The following MAN1A2 variants were observed in gnomAD, a reference collection of about 807,000 sequenced individuals.
The protein encoded by MAN1A2 is mannosidase alpha class 1A member 2.
In MAN1A2, 26 loss-of-function variants were observed where a neutral mutation model predicts 75.7. The ratio of observed to expected loss-of-function variants is 0.34; its 90% CI spans 0.25 to 0.48. The LOEUF (loss-of-function observed/expected upper bound fraction) is 0.48. Ranked by LOEUF, MAN1A2 falls within the 20% of genes least tolerant of loss-of-function variation. The pLI, the probability that MAN1A2 is intolerant of heterozygous loss-of-function variation, is 0.99. For synonymous variants in MAN1A2, 247 were observed against 264.6 expected (o/e 0.93, Z 0.65); for missense variants, 562 against 775.5 (o/e 0.72, Z 3.27).
intron 5 of MAN1A2, among the ~76,000 whole-genome samples, chr1:117,436,656 T>C (rs974003560): frequency 2.6e-5 from 4 of 152,218 alleles, no homozygotes; most frequent in African/African-American, 9.6e-5. Flanking sequence ...ACAGGCTTAC[T>C]TTCGCTTACT....
intron 1 of MAN1A2, among the ~76,000 whole-genome samples, chr1:117,382,660 T>C (rs1192413295): frequency 5.3e-5 from 8 of 152,200 alleles, no homozygotes; most frequent in African/African-American, 1.4e-4. Context: ...GACTTGGCGA[T>C]GCGGGCTCTT....
chr1:117,426,088 G>T (rs1648362142), intron 5 of MAN1A2, among the ~76,000 whole-genome samples: 1 of 151,846 alleles, frequency 6.6e-6, no homozygotes, highest in Non-Finnish European at 1.5e-5. Context: ...TTTTCTTTGG[G>T]TATAAAATAT....
chr1:117,469,767 A>G (rs1242118720), intron 8 of MAN1A2, among the ~76,000 whole-genome samples: 1 of 152,114 alleles, frequency 6.6e-6, no homozygotes, highest in African/African-American at 2.4e-5. Context: ...AAATAAACTC[A>G]CTGAGATACC....
intron 6 of MAN1A2, among the ~76,000 whole-genome samples, chr1:117,448,243 A>C (rs1273015676): frequency 6.6e-6 from 1 of 152,126 alleles, no homozygotes; most frequent in East Asian, 1.9e-4. Context: ...TTTAAAAGAA[A>C]ACTGAACATG....
At chr1:117,503,199 T>G (rs1482778550) in intron 12 of MAN1A2, among the ~76,000 whole-genome samples, 3 of 151,624 alleles carry the variant, frequency 2.0e-5, no homozygotes, top group African/African-American at 7.3e-5. Context: ...TTTTTGTTCT[T>G]TGCTCTTTAA....
intron 6 of MAN1A2, among the ~76,000 whole-genome samples, chr1:117,455,856 T>A (rs1025677443): frequency 2.0e-5 from 3 of 151,910 alleles, no homozygotes; most frequent in African/African-American, 7.2e-5. Context: ...ATATTACATA[T>A]CCTCTCAAAT....
rs1652006092 is a variant in MAN1A2 at position 117,526,016 on chromosome 1, T to C, written c.*3059T>C. ...TGTCATATAGAGCAACTCAGGGCTA[T>C]ACTTGCTAGATTTTAACCAAGCAGT... On this transcript the variant is annotated 3_prime_UTR_variant, in exon 13 of 13. Transcript: ENST00000356554. 1 of 151,834 alleles carries C rather than the reference T, an allele frequency of 6.6e-6. No individual in the cohort carries two copies. Among genetic ancestry groups the C allele is most frequent in the African/African-American group, 2.4e-5 (1 of 41,416 alleles). 9.4% of individuals were successfully genotyped at this position (151,834 alleles called of 1,614,324 possible). A position where few individuals can be genotyped will look rare whatever the true frequency, so the allele number is the denominator to read the frequency against.
At position 117,466,384 on chromosome 1, in the gene MAN1A2, T is replaced by C; in HGVS notation, c.1125T>C (p.Leu375=). ...LLQKMDRPNG[L]YPNYLNPRTG... ...AGAAAATGGATCGTCCAAATGGTCT[T>C]TATCCAAATTATTTGAACCCCAGAA... is the stretch of plus-strand genomic sequence containing the variant. Residue 375 remains leucine, a synonymous_variant, in exon 8 of 13, where the codon CTT becomes CTC. Coordinates refer to ENST00000356554, the MANE Select transcript of MAN1A2 (RefSeq NM_006699.5). The C allele has an allele frequency of 6.2e-7, 1 of 1,612,254 alleles. No homozygotes were observed.
At chr1:117,447,754 A>G (rs1375498888) in intron 6 of MAN1A2, among the ~76,000 whole-genome samples, 2 of 152,138 alleles carry the variant, frequency 1.3e-5, no homozygotes, top group Non-Finnish European at 2.9e-5. Flanking sequence ...TTTTTAAAAA[A>G]TCAGTCCTTA....
intron 4 of MAN1A2, among the ~76,000 whole-genome samples, chr1:117,417,534 A>AATATATATATATATATAT (rs551507232): frequency 0.033 from 2,969 of 88,686 alleles, 115 homozygotes; most frequent in East Asian, 0.047. Context: ...CTTGAGTTTA[A>AATATATATATATATATAT]ATATATATAT....
rs1178490086 is a variant in MAN1A2 at position 117,405,569 on chromosome 1, T to A, written c.579T>A (p.Asp193Glu). 6.2e-7 allele frequency: 1 copy of A among 1,601,322 alleles called. No homozygotes were observed. Among genetic ancestry groups the A allele is most frequent in the Non-Finnish European group, 8.6e-7 (1 of 1,168,592 alleles). The change falls in exon 3 of 13, where the codon GAT (aspartate) becomes GAA (glutamate). Residue 193 changes from aspartate (D) to glutamate (E), a missense_variant. Asp to Glu is a conservative substitution (Grantham distance 45). This residue lies in a region of MAN1A2 where 434 missense variants were observed against 645.7 expected (regional missense o/e 0.67). Transcript: ENST00000356554. ...TTCAGATGATGAAACATGCTTGGGATAACTATAGGACATATGGGTGGGGAC... is the reference window on the plus strand; with the variant it reads ...TTCAGATGATGAAACATGCTTGGGAAAACTATAGGACATATGGGTGGGGAC... ...KIKEMMKHAW[D>E]NYRTYGWGHN...
At chr1:117,508,828 C>G (rs1008418564) in intron 12 of MAN1A2, among the ~76,000 whole-genome samples, 4 of 151,428 alleles carry the variant, frequency 2.6e-5, no homozygotes, top group Non-Finnish European at 5.9e-5. Flanking sequence ...AAAATGTGAA[C>G]TGTAGTTTAG....
rs1377786536 is a variant in MAN1A2 at position 117,525,406 on chromosome 1, A to T, written c.*2449A>T. On this transcript the variant is annotated 3_prime_UTR_variant, in exon 13 of 13. Transcript: ENST00000356554. The stretch of plus-strand genomic sequence containing the variant: ...ATAGATTTTTAAATTATTTCCTTCA[A>T]GATCAATTCTTATCCCATATAATGC... The T allele has an allele frequency of 4.1e-6, 1 of 241,766 alleles. No homozygotes were observed. Among genetic ancestry groups the T allele is most frequent in the Non-Finnish European group, 8.5e-6 (1 of 118,342 alleles). The allele number at this position is 241,766 out of a possible 1,614,324, so 15.0% of individuals were successfully genotyped here.
chr1:117,480,082 C>T (rs145164073), intron 8 of MAN1A2, among the ~76,000 whole-genome samples: 1,804 of 151,998 alleles, frequency 0.012, 20 homozygotes, highest in Non-Finnish European at 0.018. Context: ...AGTGTTCCCA[C>T]CAGTCCTTTC....
rs562467323 is a variant in MAN1A2, at chr1:117,499,648, G to T, written c.1677+94G>T. ...CCTCACCCATGTTACCTCATTTTTA[G>T]TATCTGTAGGGCAGTTTTTATTTAT... On this transcript the variant is annotated intron_variant, in intron 11 of 12. Coordinates refer to ENST00000356554, the MANE Select transcript of MAN1A2 (RefSeq NM_006699.5). The T allele has an allele frequency of 7.7e-5, 72 of 937,868 alleles. 1 individual carries two copies. The South Asian group carries it at 1.4e-3, about 19-fold the overall frequency. 58.1% of individuals were successfully genotyped at this position (937,868 alleles called of 1,614,324 possible).
intron 2 of MAN1A2, 109 bp from the exon 3 acceptor site, chr1:117,405,440 G>T: frequency 1.4e-6 from 1 of 707,614 alleles, no homozygotes; most frequent in Non-Finnish European, 2.6e-6. Context: ...TACTAATATA[G>T]ATCTGGAAGA....
At chr1:117,452,605 T>C (rs1228006454) in intron 6 of MAN1A2, among the ~76,000 whole-genome samples, 1 of 152,228 alleles carries the variant, frequency 6.6e-6, no homozygotes, top group African/African-American at 2.4e-5. Flanking sequence ...AGCAAGGCCC[T>C]AACTCTCTTC....
intron 1 of MAN1A2, among the ~76,000 whole-genome samples, chr1:117,382,864 A>G (rs1418782121): frequency 6.6e-6 from 1 of 152,124 alleles, no homozygotes; most frequent in Non-Finnish European, 1.5e-5. Flanking sequence ...AGCACAACTA[A>G]TTTTTAGTGT....
intron 10 of MAN1A2, among the ~76,000 whole-genome samples, chr1:117,497,640 A>G (rs1260536066): frequency 6.6e-6 from 1 of 152,076 alleles, no homozygotes; most frequent in East Asian, 1.9e-4. Flanking sequence ...ACATATAGTC[A>G]TAAATAGATA....
Sources: gnomAD v4.1 joint callset for allele counts (sites outside exome capture counted in the v4.1 genomes callset) on GRCh38, gnomAD v4.1.1 for gene constraint, gnomAD v4.1.1 regional missense constraint, MANE v1.5 for transcripts, NCBI Gene and HGNC (gene_info 2026-07-23, HGNC 2026-07-21) for gene names.